MYC: variants seen among roughly 807,000 people sequenced by gnomAD.
MYC encodes myc proto-oncogene protein.
Under a neutral mutation model 30.5 loss-of-function variants are expected in MYC, and 1 was observed. The observed-to-expected ratio is 0.03, with a 90% CI of 0.01 to 0.16. The LOEUF is 0.16. MYC is among the 10% of genes least tolerant of loss of function. MYC has a pLI of 1.00. For missense variants in MYC, 508 were observed against 589.0 expected (o/e 0.86, Z 1.42); for synonymous variants, 267 against 250.7 (o/e 1.07, Z -0.62).
At chr8:127,735,890 G>C (rs11546802), upstream of MYC, 1 of 399,510 alleles carries the variant, frequency 2.5e-6, no homozygotes, top group Non-Finnish European at 4.4e-6. Flanking sequence ...ACATCCTAGA[G>C]CTAGAGTGCT....
Position 127,740,593 on chromosome 8 carries a change from T to C in MYC, c.1000T>C (p.Tyr334His). 2 of 1,614,028 alleles carry C rather than the reference T, an allele frequency of 1.2e-6. No homozygotes were observed. Among genetic ancestry groups the C allele is most frequent in the Non-Finnish European group, 1.7e-6 (2 of 1,180,012 alleles). Reference sequence around the variant, plus strand: ...AGCGCCTCCCTCCACTCGGAAGGACTATCCTGCTGCCAAGAGGGTCAAGTT... The same window carrying C: ...AGCGCCTCCCTCCACTCGGAAGGACCATCCTGCTGCCAAGAGGGTCAAGTT... The change falls in exon 3 of 3, where the codon TAT becomes CAT. Residue 334 changes from tyrosine to histidine, a missense_variant. Tyr to His is a moderately conservative substitution (Grantham distance 83). Coordinates refer to ENST00000621592, the MANE Select transcript of MYC (RefSeq NM_002467.6).
chr8:127,736,105 G>C (rs1270315266), upstream of MYC: 3 of 422,452 alleles, frequency 7.1e-6, no homozygotes, highest in East Asian at 6.8e-5. Context: ...CGCCACCGCC[G>C]GGCCCCGGCC....
At position 127,741,139 on chromosome 8, in the gene MYC, CT is replaced by C; in HGVS notation, c.*183del. The C allele has an allele frequency of 2.3e-6, 1 of 437,068 alleles. No individual in the cohort carries two copies. Among genetic ancestry groups the C allele is most frequent in the Non-Finnish European group, 3.9e-6 (1 of 255,730 alleles). 27.1% of individuals were successfully genotyped at this position (437,068 alleles called of 1,614,324 possible). On this transcript the variant is annotated 3_prime_UTR_variant, in exon 3 of 3. Coordinates refer to ENST00000621592, the MANE Select transcript of MYC (RefSeq NM_002467.6). ...TTGGGCATAAAAGAACTTTTTTATG[CT>C]TACCATCTTTTTTTTTTCTTTAACA...
At chr8:127,737,640 A>G (rs1355402547) in intron 1 of MYC, among the ~76,000 whole-genome samples, 2 of 147,776 alleles carry the variant, frequency 1.4e-5, no homozygotes, top group Non-Finnish European at 3.0e-5. Flanking sequence ...GGCGAGAGAA[A>G]GAAGAAAAGC....
chr8:127,737,366 C>A (rs1813610509), intron 1 of MYC, among the ~76,000 whole-genome samples: 1 of 152,226 alleles, frequency 6.6e-6, no homozygotes, highest in African/African-American at 2.4e-5. Context: ...TCTCCGCACC[C>A]AGCCCTGACT....
rs1586587719 is a variant in MYC, at chr8:127,736,289, T to G, written c.-305T>G. On this transcript the variant is annotated 5_prime_UTR_variant, in exon 1 of 3. Transcript: ENST00000621592. The stretch of plus-strand genomic sequence containing the variant: ...GGAGCGAGCGGGCGGCCGGCTAGGG[T>G]GGAAGAGCCGGGCGAGCAGAGCTGC... 2 of 551,572 alleles carry G rather than the reference T, an allele frequency of 3.6e-6. No individual in the cohort carries two copies. The highest frequency in any genetic ancestry group is 2.6e-5 in the South Asian group (1 of 39,064). The allele number at this position is 551,572 out of a possible 1,614,324, so 34.2% of individuals were successfully genotyped here. A position where few individuals can be genotyped will look rare whatever the true frequency, so the allele number is the denominator to read the frequency against.
At chr8:127,736,688 G>C (rs1238805136) in intron 1 of MYC, 65 bp downstream of exon 1, 1 of 1,543,760 alleles carries the variant, frequency 6.5e-7, no homozygotes, top group Non-Finnish European at 8.9e-7. Context: ...GAGATGAGTC[G>C]AATGCCTAAA....
At position 127,740,628 on chromosome 8, in the gene MYC, C is replaced by T. The variant is rs2130104499; in HGVS notation, c.1035C>T (p.Val345=). The T allele has an allele frequency of 6.2e-7, 1 of 1,614,104 alleles. No individual in the cohort carries two copies. Among genetic ancestry groups the T allele is most frequent in the Non-Finnish European group, 8.5e-7 (1 of 1,180,036 alleles). The change falls in exon 3 of 3, where the codon GTC becomes GTT. Residue 345 remains valine, a synonymous_variant. Coordinates refer to ENST00000621592, the MANE Select transcript of MYC (RefSeq NM_002467.6). ...CCAAGAGGGTCAAGTTGGACAGTGT[C>T]AGAGTCCTGAGACAGATCAGCAACA...
chr8:127,736,467 C>A lies in MYC; in HGVS notation c.-127C>A. 1 of 1,083,676 alleles carries A rather than the reference C, an allele frequency of 9.2e-7. No homozygotes were observed. The allele number at this position is 1,083,676 out of a possible 1,614,324, so 67.1% of individuals were successfully genotyped here. On this transcript the variant is annotated 5_prime_UTR_variant, in exon 1 of 3. Transcript: ENST00000621592. ...AGCGGGCGGGCACTTTGCACTGGAACTTACAACACCCGAGCAAGGACGCGA... is the reference window on the plus strand; with the variant it reads ...AGCGGGCGGGCACTTTGCACTGGAAATTACAACACCCGAGCAAGGACGCGA...
At chr8:127,737,937 C>A (rs777345742) in intron 1 of MYC, among the ~76,000 whole-genome samples, 21 of 152,164 alleles carry the variant, frequency 1.4e-4, no homozygotes, top group Non-Finnish European at 2.8e-4. Flanking sequence ...GCGCCAGGGC[C>A]GATTTCGATT....
rs776379651 is a variant in MYC, at chr8:127,740,622, C to A, written c.1029C>A (p.Asp343Glu). ...CTGCTGCCAAGAGGGTCAAGTTGGA[C>A]AGTGTCAGAGTCCTGAGACAGATCA... The change falls in exon 3 of 3, where the codon GAC becomes GAA. Residue 343 changes from aspartate (D) to glutamate (E), a missense_variant. Asp to Glu is a conservative substitution (Grantham distance 45). Transcript: ENST00000621592. 3 of 1,614,106 alleles carry A rather than the reference C, an allele frequency of 1.9e-6. No individual in the cohort carries two copies. Among genetic ancestry groups the A allele is most frequent in the Non-Finnish European group, 1.7e-6 (2 of 1,180,026 alleles).
In MYC at chr8:127,736,556, C is replaced by T. The variant is rs2130083837; in HGVS notation, c.-38C>T. 1 of 1,613,572 alleles carries T rather than the reference C, an allele frequency of 6.2e-7. No homozygotes were observed. Among genetic ancestry groups the T allele is most frequent in the Non-Finnish European group, 8.5e-7 (1 of 1,179,760 alleles). On this transcript the variant is annotated 5_prime_UTR_variant, in exon 1 of 3. Transcript: ENST00000621592. ...ACACTTCCCCGCCGCTGCCAGGACC[C>T]GCTTCTCTGAAAGGCTCTCCTTGCA...
At position 127,742,484 on chromosome 8, in the gene MYC, T is replaced by G. The variant is rs1813727736; in HGVS notation, c.*1526T>G. On this transcript the variant is annotated 3_prime_UTR_variant, in exon 3 of 3. Coordinates refer to ENST00000621592, the MANE Select transcript of MYC (RefSeq NM_002467.6). ...GGTCAGGCATCAGTTCCCCTTTTTT[T>G]GTGATTTATTTTGTTTTTATTTTGT... Among the ~76,000 whole-genome samples the G allele has an allele frequency of 6.6e-6, 1 of 152,188 alleles. No homozygotes were observed. The highest frequency in any genetic ancestry group is 2.4e-5 in the African/African-American group (1 of 41,440).
chr8:127,742,793 C>T lies in MYC; in HGVS notation c.*1835C>T, dbSNP rs1373648518. 6.6e-6 allele frequency among the ~76,000 whole-genome samples: 1 copy of T among 152,078 alleles called. No homozygotes were observed. The highest frequency in any genetic ancestry group is 1.9e-4 in the East Asian group (1 of 5,188). Reference sequence around the variant, plus strand: ...TTATAAGCCTCTGAAAACCTATGGCCCAAACCAGAAATGATGTTGATTATA... The same window carrying T: ...TTATAAGCCTCTGAAAACCTATGGCTCAAACCAGAAATGATGTTGATTATA... On this transcript the variant is annotated 3_prime_UTR_variant, in exon 3 of 3. Transcript: ENST00000621592.
Position 127,741,008 on chromosome 8 carries a change from AC to A in MYC, c.*52del. The A allele has an allele frequency of 2.7e-6, 4 of 1,473,888 alleles. No individual in the cohort carries two copies. The highest frequency in any genetic ancestry group is 3.6e-6 in the Non-Finnish European group (4 of 1,109,118). 91.3% of individuals were successfully genotyped at this position (1,473,888 alleles called of 1,614,324 possible). On this transcript the variant is annotated 3_prime_UTR_variant, in exon 3 of 3. Coordinates refer to ENST00000621592, the MANE Select transcript of MYC (RefSeq NM_002467.6). Reference sequence around the variant, plus strand: ...TCTAACAGAAATGTCCTGAGCAATCACCTATGAACTTGTTTCAAATGCATGA... The same window carrying A: ...TCTAACAGAAATGTCCTGAGCAATCACTATGAACTTGTTTCAAATGCATGA...
rs1203089442 is a variant in MYC at position 127,740,482 on chromosome 8, CCTT to C, written c.892_894del (p.Ser298del). The C allele has an allele frequency of 4.3e-6, 7 of 1,613,908 alleles. No homozygotes were observed. The highest frequency in any genetic ancestry group is 4.0e-5 in the African/African-American group (3 of 74,860). ...TGGCAAAAGGTCAGAGTCTGGATCA[CCTT>C]CTGCTGGAGGCCACAGCAAACCTCC... On this transcript the variant is annotated inframe_deletion, in exon 3 of 3. Coordinates refer to ENST00000621592, the MANE Select transcript of MYC (RefSeq NM_002467.6).
chr8:127,739,244 C>A (rs1464264617), intron 2 of MYC, among the ~76,000 whole-genome samples: 1 of 152,216 alleles, frequency 6.6e-6, no homozygotes, highest in Non-Finnish European at 1.5e-5. Context: ...TGTCTCCCAC[C>A]CCTCAGGAAT....
In MYC at chr8:127,738,458, C is replaced by T. The variant is rs375402667; in HGVS notation, c.241C>T (p.Arg81Cys). ...CACCCCGCCCCTGTCCCCTAGCCGC[C>T]GCTCCGGGCTCTGCTCGCCCTCCTA... Residue 81 changes from arginine to cysteine, a missense_variant, in exon 2 of 3, where the codon CGC becomes TGC. Physicochemically the swap from Arg to Cys is radical, Grantham distance 180 (BLOSUM62 -3). Transcript: ENST00000621592. The surrounding 1 kb of genome is among the most constrained non-coding windows in gnomAD (Gnocchi z 7.6). 4.4e-6 allele frequency: 7 copies of T among 1,607,136 alleles called. No homozygotes were observed. The highest frequency in any genetic ancestry group is 2.2e-5 in the East Asian group (1 of 44,780).
rs938445494 is a variant in MYC at position 127,738,044 on chromosome 8, G to T, written c.31-204G>T. 2.6e-5 allele frequency among the ~76,000 whole-genome samples: 4 copies of T among 152,146 alleles called. No homozygotes were observed. Among genetic ancestry groups the T allele is most frequent in the Non-Finnish European group, 5.9e-5 (4 of 68,016 alleles). ...ACCAAGCCGCTGGTTCACTAAGTGC[G>T]TCTCCGAGATAGCAGGGGACTGTCC... On this transcript the variant is annotated intron_variant, in intron 1 of 2. Coordinates refer to ENST00000621592, the MANE Select transcript of MYC (RefSeq NM_002467.6). The surrounding 1 kb of genome is among the most constrained non-coding windows in gnomAD (Gnocchi z 7.6).
Sources: allele counts gnomAD v4.1 joint callset (sites outside exome capture counted in the v4.1 genomes callset), GRCh38; gene constraint gnomAD v4.1.1; non-coding constraint Gnocchi (gnomAD v3.1); transcripts MANE v1.5; gene names NCBI Gene and HGNC (gene_info 2026-07-23, HGNC 2026-07-21).